Variants in CALN1 observed in about 807,000 individuals in gnomAD.
CALN1 encodes the protein calneuron 1.
CALN1 carries 17 observed loss-of-function variants against 30.6 expected under a neutral mutation model. That is an observed-to-expected ratio of 0.56 (90% CI 0.38 to 0.83). CALN1 has a LOEUF of 0.83. Among genes scored for constraint, CALN1 ranks in the 40% least tolerant of loss-of-function variants. The pLI is 0.00. For synonymous variants in CALN1, 156 were observed against 131.4 expected, an observed-to-expected ratio of 1.19 and a Z score of -1.28; for missense variants, 291 against 354.9, an observed-to-expected ratio of 0.82 and a Z score of 1.45.
intron 2 of CALN1, among the ~76,000 whole-genome samples, chr7:72,365,310 G>A (rs1803815130): frequency 6.6e-6 from 1 of 152,056 alleles, no homozygotes; most frequent in Non-Finnish European, 1.5e-5. Context: ...TCCAGCCTGG[G>A]TGACAGAGCA....
rs1407610626 is a variant in CALN1 at position 72,296,369 on chromosome 7, T to A, written c.120-17559A>T. ...CCCGGCTTTGGTATCAGAATGATGCTGGCCTCATAAAATGAGTTAGGGAGG... is the reference window on the plus strand; with the variant it reads ...CCCGGCTTTGGTATCAGAATGATGCAGGCCTCATAAAATGAGTTAGGGAGG... On this transcript the variant is annotated intron_variant, in intron 2 of 6. Transcript: ENST00000395275. Among the ~76,000 whole-genome samples, 3 of 140,748 alleles carry A rather than the reference T, an allele frequency of 2.1e-5. No homozygotes were observed. In the East Asian group the frequency reaches 6.1e-4, roughly 29 times the overall value. 92.3% of individuals were successfully genotyped at this position (140,748 alleles called of 152,430 possible).
intron 3 of CALN1, among the ~76,000 whole-genome samples, chr7:72,137,888 TGAGA>T (rs957357775): frequency 6.6e-6 from 1 of 151,934 alleles, no homozygotes; most frequent in Non-Finnish European, 1.5e-5. Context: ...CATATCTATT[TGAGA>T]GAGAGAGAGA....
At position 72,254,456 on chromosome 7, in the gene CALN1, C is replaced by A. The variant is rs10278225; in HGVS notation, c.244+24230G>T. 2.7e-3 allele frequency among the ~76,000 whole-genome samples: 409 copies of A among 152,254 alleles called. 3 individuals carry two copies. Among genetic ancestry groups the A allele is most frequent in the African/African-American group, 9.3e-3 (388 of 41,544 alleles). The stretch of plus-strand genomic sequence containing the variant: ...CCTGCCTGGATCCATCGTCTGCTGT[C>A]CCCACTCATCAGCCTCCCAAGTGAC... On this transcript the variant is annotated intron_variant, in intron 3 of 6. Coordinates refer to ENST00000395275, the MANE Select transcript of CALN1 (RefSeq NM_031468.4).
intron 5 of CALN1, among the ~76,000 whole-genome samples, chr7:71,957,880 C>A (rs987587848): frequency 6.6e-6 from 1 of 151,858 alleles, no homozygotes; most frequent in East Asian, 1.9e-4. Context: ...ACCTGGCCAA[C>A]ATGATGAAAC....
rs1792720512 is a variant in CALN1 at position 71,781,650 on chromosome 7, T to C, written c.*6125A>G. Reference sequence around the variant, plus strand: ...CTGGAATATTCCTTCCTAATTAGCCTGCTCTTCTATCCCACTGGAAAATTC... The same window carrying C: ...CTGGAATATTCCTTCCTAATTAGCCCGCTCTTCTATCCCACTGGAAAATTC... On this transcript the variant is annotated 3_prime_UTR_variant, in exon 7 of 7. Transcript: ENST00000395275. The C allele has an allele frequency of 6.6e-6, 1 of 152,244 alleles. No homozygotes were observed. The highest frequency in any genetic ancestry group is 2.1e-4 in the South Asian group (1 of 4,830). 9.4% of individuals were successfully genotyped at this position (152,244 alleles called of 1,614,324 possible).
intron 5 of CALN1, among the ~76,000 whole-genome samples, chr7:71,850,795 T>C (rs1403538335): frequency 3.9e-5 from 6 of 152,142 alleles, no homozygotes; most frequent in Admixed American, 1.3e-4. Flanking sequence ...CAGAATAAAA[T>C]CTATGTTATG....
At chr7:72,256,219 G>T (rs1226905328) in intron 3 of CALN1, among the ~76,000 whole-genome samples, 1 of 152,116 alleles carries the variant, frequency 6.6e-6, no homozygotes, top group East Asian at 1.9e-4. Flanking sequence ...AGCTGTTTAG[G>T]AGGCCTACGT....
At chr7:72,052,514 T>TA (rs1802902736) in intron 4 of CALN1, among the ~76,000 whole-genome samples, 1 of 152,032 alleles carries the variant, frequency 6.6e-6, no homozygotes, top group Non-Finnish European at 1.5e-5. Flanking sequence ...ATCTGCTCTA[T>TA]AGCCCGTGTC....
chr7:72,270,146 C>A (rs1796881764), intron 3 of CALN1, among the ~76,000 whole-genome samples: 1 of 151,578 alleles, frequency 6.6e-6, no homozygotes, highest in East Asian at 1.9e-4. Flanking sequence ...GAGAAAAAAA[C>A]CCTAAATGCT....
At chr7:72,221,813 CG>C (rs991993485) in intron 3 of CALN1, among the ~76,000 whole-genome samples, 5 of 151,598 alleles carry the variant, frequency 3.3e-5, no homozygotes, top group African/African-American at 1.2e-4. Flanking sequence ...TGCTTAAACC[CG>C]GGAGGCGGAG....
At chr7:72,337,330 A>ACCCCCCAACCTCCG in intron 2 of CALN1, 1 of 961,568 alleles carries the variant, frequency 1.0e-6, no homozygotes, top group Non-Finnish European at 1.2e-6. Context: ...GGGAGCCCCC[A>ACCCCCCAACCTCCG]CCCCCCAACC....
At chr7:71,792,012 A>G (rs1786596259) in intron 6 of CALN1, among the ~76,000 whole-genome samples, 1 of 147,504 alleles carries the variant, frequency 6.8e-6, no homozygotes, top group African/African-American at 2.7e-5. Flanking sequence ...CCGTCTCAAA[A>G]AAAGAAAAAA....
chr7:71,917,691 T>G (rs542874116), intron 5 of CALN1, among the ~76,000 whole-genome samples: 1 of 152,118 alleles, frequency 6.6e-6, no homozygotes, highest in African/African-American at 2.4e-5. Flanking sequence ...TAAAAAACCA[T>G]CAGATCATGA....
At chr7:72,001,722 C>G (rs1239488703) in intron 5 of CALN1, among the ~76,000 whole-genome samples, 1 of 151,960 alleles carries the variant, frequency 6.6e-6, no homozygotes, top group African/African-American at 2.4e-5. Context: ...TCTCACTCTG[C>G]CTTATGCCCC....
At chr7:72,359,330 C>G (rs561424940) in intron 2 of CALN1, among the ~76,000 whole-genome samples, 2 of 152,288 alleles carry the variant, frequency 1.3e-5, no homozygotes, top group East Asian at 1.9e-4. Context: ...TAACACATCT[C>G]CCTCCCCGTT....
chr7:72,412,631 G>A (rs1807258550), upstream of CALN1, among the ~76,000 whole-genome samples: 2 of 152,182 alleles, frequency 1.3e-5, no homozygotes, highest in African/African-American at 2.4e-5. Context: ...ACACCCAGGG[G>A]CCACTGCTGG....
Position 72,348,113 on chromosome 7 carries a change from T to C in CALN1, c.119+55138A>G, listed in dbSNP as rs188813660. Among the ~76,000 whole-genome samples the C allele has an allele frequency of 1.5e-3, 221 of 152,270 alleles. 3 individuals carry two copies. The Middle Eastern group carries it at 0.02, about 14-fold the overall frequency. ...TCCAGCCTGGACAACAGAGCGAGATTCTGTCTCAAAGAAAAAAAAGAAACT... is the reference window on the plus strand; with the variant it reads ...TCCAGCCTGGACAACAGAGCGAGATCCTGTCTCAAAGAAAAAAAAGAAACT... On this transcript the variant is annotated intron_variant, in intron 2 of 6. Coordinates refer to ENST00000395275, the MANE Select transcript of CALN1 (RefSeq NM_031468.4).
chr7:72,370,579 G>A (rs551974603), intron 2 of CALN1, among the ~76,000 whole-genome samples: 4 of 152,066 alleles, frequency 2.6e-5, no homozygotes, highest in Middle Eastern at 3.4e-3. Flanking sequence ...GTGTGAACCC[G>A]GGAGGCGGAG....
At chr7:72,246,753 A>ATTTTTTTTTTTTT (rs58282615) in intron 3 of CALN1, among the ~76,000 whole-genome samples, 9 of 116,574 alleles carry the variant, frequency 7.7e-5, no homozygotes, top group Non-Finnish European at 1.4e-4. Context: ...TACCAGAACA[A>ATTTTTTTTTTTTT]TTTTTTTTTT....
Sources: gnomAD v4.1 joint callset for allele counts (sites outside exome capture counted in the v4.1 genomes callset) on GRCh38, gnomAD v4.1.1 for gene constraint, MANE v1.5 for transcripts, NCBI Gene and HGNC (gene_info 2026-07-23, HGNC 2026-07-21) for gene names.